NRXN3: variants seen among roughly 807,000 people sequenced by gnomAD.
The protein encoded by NRXN3 is neurexin III.
NRXN3 carries 32 observed loss-of-function variants against 137.6 expected under a neutral mutation model. That is an observed-to-expected ratio of 0.23 (90% CI 0.18 to 0.31). The LOEUF (loss-of-function observed/expected upper bound fraction) is 0.31. Among genes scored for constraint, NRXN3 ranks in the 10% least tolerant of loss-of-function variants. The probability of loss-of-function intolerance (pLI) is 1.00; values close to 1 mark genes in which losing one functional copy is unlikely to be tolerated. For missense variants in NRXN3, 1,574 were observed against 2,062.5 expected, an observed-to-expected ratio of 0.76 and a Z score of 4.59; for synonymous variants, 798 against 784.5, an observed-to-expected ratio of 1.02 and a Z score of -0.29.
rs1390560007 is a variant in NRXN3, at chr14:79,862,355, A to G, written c.*391A>G. ...CATGGCTTACTTGTTCCATAACTCC[A>G]AGTGAGTCTGTAATGTTTGTGAAGC... On this transcript the variant is annotated 3_prime_UTR_variant, in exon 21 of 21. Coordinates refer to ENST00000335750, the MANE Select transcript of NRXN3 (RefSeq NM_001330195.2). 6.1e-6 allele frequency: 1 copy of G among 163,704 alleles called. No homozygotes were observed. Among genetic ancestry groups the G allele is most frequent in the Admixed American group, 6.0e-5 (1 of 16,796 alleles). The allele number at this position is 163,704 out of a possible 1,614,324, so 10.1% of individuals were successfully genotyped here.
At chr14:79,425,448 G>A (rs2095641523) in intron 15 of NRXN3, among the ~76,000 whole-genome samples, 1 of 152,052 alleles carries the variant, frequency 6.6e-6, no homozygotes, top group African/African-American at 2.4e-5. Flanking sequence ...GACTACTTGG[G>A]ATATGTTTAT....
intron 14 of NRXN3, among the ~76,000 whole-genome samples, chr14:78,978,022 A>G (rs1019669884): frequency 5.3e-5 from 8 of 152,164 alleles, no homozygotes; most frequent in Admixed American, 2.6e-4. Context: ...CATGGCCATA[A>G]CCAATTTTAT....
At chr14:78,830,695 T>A (rs1326828916) in intron 10 of NRXN3, among the ~76,000 whole-genome samples, 2 of 152,218 alleles carry the variant, frequency 1.3e-5, no homozygotes, top group Admixed American at 1.3e-4. Flanking sequence ...GAGCTCTTTT[T>A]TTTTTCATTT....
chr14:79,280,631 TA>T (rs533881390), intron 15 of NRXN3: 74 of 1,229,658 alleles, frequency 6.0e-5, no homozygotes, highest in South Asian at 8.4e-5. Context: ...GAAGGGAATT[TA>T]AAAAAAATGA....
At chr14:79,074,309 T>A (rs927210139) in intron 15 of NRXN3, among the ~76,000 whole-genome samples, 2 of 152,230 alleles carry the variant, frequency 1.3e-5, no homozygotes, top group Non-Finnish European at 1.5e-5. Flanking sequence ...GATAATGTAC[T>A]TCCAATGAGT....
At chr14:79,836,053 G>T (rs1425090782) in intron 20 of NRXN3, among the ~76,000 whole-genome samples, 1 of 152,078 alleles carries the variant, frequency 6.6e-6, no homozygotes, top group Non-Finnish European at 1.5e-5. Flanking sequence ...TCCAATTCCC[G>T]ACTCTGCATC....
chr14:79,421,528 C>T (rs1827484322), intron 15 of NRXN3, among the ~76,000 whole-genome samples: 2 of 152,088 alleles, frequency 1.3e-5, no homozygotes, highest in Admixed American at 1.3e-4. Context: ...GAAAATGGGG[C>T]ACAAGTGAAT....
intron 10 of NRXN3, among the ~76,000 whole-genome samples, chr14:78,835,870 A>G (rs2098995193): frequency 6.6e-6 from 1 of 152,102 alleles, no homozygotes; most frequent in African/African-American, 2.4e-5. Context: ...TTTCTTATCT[A>G]GTAAGGTGAT....
At chr14:79,631,596 C>G (rs1381431802) in intron 16 of NRXN3, among the ~76,000 whole-genome samples, 1 of 152,242 alleles carries the variant, frequency 6.6e-6, no homozygotes, top group Non-Finnish European at 1.5e-5. Context: ...TGCCGGAGTG[C>G]CCGTGCTAGG....
At chr14:78,226,853 A>G (rs866921437) in intron 1 of NRXN3, among the ~76,000 whole-genome samples, 2 of 152,260 alleles carry the variant, frequency 1.3e-5, no homozygotes, top group Non-Finnish European at 2.9e-5. Flanking sequence ...TATTCAAATT[A>G]TTACAATTCT....
chr14:78,237,117 C>T (rs913794970), intron 1 of NRXN3, among the ~76,000 whole-genome samples: 1 of 152,142 alleles, frequency 6.6e-6, no homozygotes, highest in African/African-American at 2.4e-5. Flanking sequence ...AGTGCATGGG[C>T]AAATGGGTGT....
chr14:79,192,431 T>C (rs1394378038), intron 15 of NRXN3, among the ~76,000 whole-genome samples: 2 of 152,136 alleles, frequency 1.3e-5, no homozygotes, highest in Non-Finnish European at 2.9e-5. Flanking sequence ...AACCTTGAAT[T>C]AGATGTAATA....
intron 16 of NRXN3, among the ~76,000 whole-genome samples, chr14:79,475,532 A>T (rs2096552050): frequency 6.6e-6 from 1 of 152,128 alleles, no homozygotes; most frequent in Admixed American, 6.6e-5. Context: ...TACTGTGACC[A>T]ACCTTGGCTT....
intron 15 of NRXN3, among the ~76,000 whole-genome samples, chr14:79,311,699 T>C (rs1241211729): frequency 9.5e-6 from 1 of 105,812 alleles, no homozygotes. Flanking sequence ...CCATTTCTTC[T>C]AGATTTTCTA....
chr14:79,777,746 G>A (rs1346240103), intron 19 of NRXN3, among the ~76,000 whole-genome samples: 3 of 151,490 alleles, frequency 2.0e-5, no homozygotes, highest in African/African-American at 7.3e-5. Context: ...TGTGGGTGGG[G>A]TATCTACTCC....
At chr14:78,214,957 T>C (rs1000123475) in intron 1 of NRXN3, among the ~76,000 whole-genome samples, 3 of 152,224 alleles carry the variant, frequency 2.0e-5, no homozygotes, top group African/African-American at 7.2e-5. Flanking sequence ...GAATAAACCA[T>C]TAACCTGTAG....
intron 10 of NRXN3, among the ~76,000 whole-genome samples, chr14:78,911,167 C>G (rs1259371927): frequency 1.3e-5 from 2 of 152,098 alleles, no homozygotes; most frequent in Non-Finnish European, 1.5e-5. Context: ...TAAAACAACC[C>G]TATGAAATAC....
intron 20 of NRXN3, among the ~76,000 whole-genome samples, chr14:79,844,376 C>T (rs886833695): frequency 1.3e-5 from 2 of 150,440 alleles, no homozygotes; most frequent in African/African-American, 2.5e-5. Context: ...ACAATTTTTT[C>T]AATTTATTTT....
At chr14:78,377,017 A>G (rs2087983763) in intron 4 of NRXN3, among the ~76,000 whole-genome samples, 1 of 152,220 alleles carries the variant, frequency 6.6e-6, no homozygotes, top group African/African-American at 2.4e-5. Context: ...GGAAAAAGAA[A>G]ACAGAAATAA....
Sources: allele counts gnomAD v4.1 joint callset (sites outside exome capture counted in the v4.1 genomes callset), GRCh38; gene constraint gnomAD v4.1.1; transcripts MANE v1.5; gene names NCBI Gene and HGNC (gene_info 2026-07-23, HGNC 2026-07-21).